Variants in SLC44A5 observed in about 807,000 individuals in gnomAD.
SLC44A5 encodes the protein solute carrier family 44 member 5.
Under a neutral mutation model 101.8 loss-of-function variants are expected in SLC44A5, and 57 were observed. The observed-to-expected ratio is 0.56, with a 90% CI of 0.45 to 0.70. The LOEUF (loss-of-function observed/expected upper bound fraction) is 0.70. Ranked by LOEUF, SLC44A5 falls within the 30% of genes least tolerant of loss-of-function variation. The pLI is 0.00. For synonymous variants in SLC44A5, 281 were observed against 290.9 expected, an observed-to-expected ratio of 0.97 and a Z score of 0.35; for missense variants, 737 against 853.1, an observed-to-expected ratio of 0.86 and a Z score of 1.70.
At chr1:75,489,637 T>C (rs1378531067) in intron 2 of SLC44A5, among the ~76,000 whole-genome samples, 1 of 152,226 alleles carries the variant, frequency 6.6e-6, no homozygotes, top group Non-Finnish European at 1.5e-5. Flanking sequence ...GTCTCCATCA[T>C]ATCTTAGGTG....
intron 5 of SLC44A5, among the ~76,000 whole-genome samples, chr1:75,284,921 T>A (rs2100796183): frequency 6.6e-6 from 1 of 152,280 alleles, no homozygotes; most frequent in African/African-American, 2.4e-5. Context: ...CAGTGTTTTG[T>A]TGAGGATTTT....
At chr1:75,699,761 A>G in the SLC44A5 span, among the ~76,000 whole-genome samples, 1 of 152,164 alleles carries the variant, frequency 6.6e-6, no homozygotes, top group East Asian at 1.9e-4. Context: ...CAGGAAATCC[A>G]TCTCACGTGC....
At chr1:75,453,735 G>T (rs2101668780) in intron 2 of SLC44A5, among the ~76,000 whole-genome samples, 1 of 152,168 alleles carries the variant, frequency 6.6e-6, no homozygotes, top group Middle Eastern at 3.4e-3. Context: ...CAATCCCATA[G>T]AAATACAAAA....
At chr1:75,668,558 G>C in the SLC44A5 span, among the ~76,000 whole-genome samples, 1 of 151,074 alleles carries the variant, frequency 6.6e-6, no homozygotes, top group Non-Finnish European at 1.5e-5. Flanking sequence ...CTGGGTTCAA[G>C]TGATCTGCCT....
chr1:75,633,891 T>A, the SLC44A5 span, among the ~76,000 whole-genome samples: 1 of 152,210 alleles, frequency 6.6e-6, no homozygotes, highest in African/African-American at 2.4e-5. Flanking sequence ...TTGAGATATG[T>A]CCCATCAATA....
At chr1:75,482,147 A>G (rs1482522468) in intron 2 of SLC44A5, among the ~76,000 whole-genome samples, 1 of 152,080 alleles carries the variant, frequency 6.6e-6, no homozygotes, top group Non-Finnish European at 1.5e-5. Flanking sequence ...GGAAATCATC[A>G]TTCTCAGTAA....
At chr1:75,605,532 C>T (rs113416343) in intron 1 of SLC44A5, among the ~76,000 whole-genome samples, 3 of 152,112 alleles carry the variant, frequency 2.0e-5, no homozygotes, top group African/African-American at 4.8e-5. Context: ...ATTCTTCATC[C>T]TTTCCTTCAC....
chr1:75,375,421 C>T (rs554333648), intron 3 of SLC44A5, among the ~76,000 whole-genome samples: 6 of 152,214 alleles, frequency 3.9e-5, no homozygotes, highest in African/African-American at 1.4e-4. Context: ...TCTGAGGATA[C>T]AATCCACAAC....
the SLC44A5 span, among the ~76,000 whole-genome samples, chr1:75,642,572 GA>G: frequency 0.076 from 11,631 of 152,092 alleles, 1,496 homozygotes; most frequent in African/African-American, 0.27. Context: ...AGACGAATAA[GA>G]AATTCAATAA....
chr1:75,444,974 G>A (rs1665465351), intron 2 of SLC44A5, among the ~76,000 whole-genome samples: 2 of 152,148 alleles, frequency 1.3e-5, no homozygotes, highest in Admixed American at 6.5e-5. Flanking sequence ...AATTAACCGT[G>A]AGAGTAGGAG....
chr1:75,612,353 T>A (rs535292811), upstream of SLC44A5, among the ~76,000 whole-genome samples: 1 of 152,304 alleles, frequency 6.6e-6, no homozygotes, highest in East Asian at 1.9e-4. Context: ...GGCTTCTCCC[T>A]AACTGTCTCT....
At chr1:75,700,283 G>A in the SLC44A5 span, among the ~76,000 whole-genome samples, 1 of 152,080 alleles carries the variant, frequency 6.6e-6, no homozygotes, top group African/African-American at 2.4e-5. Flanking sequence ...AAATATAGAA[G>A]ATCAGAAATT....
At chr1:75,483,024 T>G (rs56017446) in intron 2 of SLC44A5, among the ~76,000 whole-genome samples, 9,902 of 152,278 alleles carry the variant, frequency 0.065, 469 homozygotes, top group African/African-American at 0.13. Flanking sequence ...TAAATTACAC[T>G]TTTATTCACA....
chr1:75,218,358 G>A, intron 17 of SLC44A5, 132 bp downstream of exon 17: 1 of 1,219,646 alleles, frequency 8.2e-7, no homozygotes, highest in South Asian at 1.5e-5. Context: ...AAACCAATGG[G>A]CATCCATGAA....
rs1283855395 is a variant in SLC44A5 at position 75,360,172 on chromosome 1, G to A, written c.53-20542C>T. ...TTTACTGTTCAAAAGCTTTTTATTT[G>A]ATGCAATCTCATTTGTCCATTTTTG... On this transcript the variant is annotated intron_variant, in intron 3 of 23. Transcript: ENST00000370859. Among the ~76,000 whole-genome samples, 3 of 151,934 alleles carry A rather than the reference G, an allele frequency of 2.0e-5. No individual in the cohort carries two copies. The East Asian group carries it at 5.8e-4, about 29-fold the overall frequency.
chr1:75,213,988 C>T lies in SLC44A5; in HGVS notation c.1804G>A (p.Val602Ile), dbSNP rs1333596678. ...FNLLMRNVLKVAVTDEVTYFV... is the reference protein window; with the variant it reads ...FNLLMRNVLKIAVTDEVTYFV... The stretch of plus-strand genomic sequence containing the variant: ...TATGTAACTTCATCTGTAACTGCAA[C>T]TCTGAGTATCAGAAAAAAAGAAAGT... Residue 602 changes from valine (V) to isoleucine (I), a missense_variant and splice_region_variant, in exon 21 of 24, where the codon GTT (valine) becomes ATT (isoleucine). By Grantham distance (29) the Val-to-Ile change is conservative (BLOSUM62 3). Around this residue, in one of 3 missense-constraint regions of SLC44A5, gnomAD observed 665 missense variants for 764.4 expected, o/e 0.87. Coordinates refer to ENST00000370859, the MANE Select transcript of SLC44A5 (RefSeq NM_001130058.2). The T allele has an allele frequency of 3.8e-6, 6 of 1,563,640 alleles. No homozygotes were observed. Among genetic ancestry groups the T allele is most frequent in the Non-Finnish European group, 3.5e-6 (4 of 1,149,230 alleles).
At chr1:75,646,042 G>C in the SLC44A5 span, among the ~76,000 whole-genome samples, 1 of 134,882 alleles carries the variant, frequency 7.4e-6, no homozygotes, top group African/African-American at 2.5e-5. Context: ...TAGCTTTGTA[G>C]TATAGTTTGA....
At chr1:75,659,490 A>AAGGAAGGAAGGCAGGCAGGC in the SLC44A5 span, among the ~76,000 whole-genome samples, 1 of 42,298 alleles carries the variant, frequency 2.4e-5, no homozygotes, top group African/African-American at 5.2e-5. Flanking sequence ...GGAAGGAAGG[A>AAGGAAGGAAGGCAGGCAGGC]AGGCAGGCAG....
chr1:75,501,192 A>AG (rs397762226), intron 2 of SLC44A5, among the ~76,000 whole-genome samples: 1 of 152,010 alleles, frequency 6.6e-6, no homozygotes, highest in African/African-American at 2.4e-5. Flanking sequence ...TAATAAAAAA[A>AG]CATAATAAAG....
Sources: allele counts gnomAD v4.1 joint callset (sites outside exome capture counted in the v4.1 genomes callset), GRCh38; gene constraint gnomAD v4.1.1; regional missense constraint gnomAD v4.1.1; transcripts MANE v1.5; gene names NCBI Gene and HGNC (gene_info 2026-07-23, HGNC 2026-07-21).